LRP6: variants seen among roughly 807,000 people sequenced by gnomAD.
The protein encoded by LRP6 is LDL receptor related protein 6.
Under a neutral mutation model 184.1 loss-of-function variants are expected in LRP6, and 43 were observed. The observed-to-expected ratio is 0.23, with a 90% CI of 0.18 to 0.30. The LOEUF (loss-of-function observed/expected upper bound fraction) is 0.30. LRP6 is among the 10% of genes least tolerant of loss of function. LRP6 has a pLI of 1.00. For synonymous variants in LRP6, 719 were observed against 684.9 expected (o/e 1.05, Z -0.78); for missense variants, 1,571 against 2,005.3 (o/e 0.78, Z 4.14).
intron 2 of LRP6, among the ~76,000 whole-genome samples, chr12:12,229,370 CAAAAAAA>C (rs375650917): frequency 1.6e-5 from 1 of 61,390 alleles, no homozygotes; most frequent in African/African-American, 4.4e-5. Flanking sequence ...AACTCCATTT[CAAAAAAA>C]AAAAAAAAAA....
intron 7 of LRP6, among the ~76,000 whole-genome samples, chr12:12,174,925 T>C (rs1863132424): frequency 1.3e-5 from 2 of 152,330 alleles, no homozygotes; most frequent in South Asian, 2.1e-4. Context: ...GCTATGGACA[T>C]TGTATCCTCT....
At position 12,246,299 on chromosome 12, in the gene LRP6, G is replaced by A. The variant is rs570146674; in HGVS notation, c.56-1644C>T. 1.1e-4 allele frequency among the ~76,000 whole-genome samples: 17 copies of A among 151,934 alleles called. No individual in the cohort carries two copies. The South Asian group carries it at 2.1e-3, about 19-fold the overall frequency. On this transcript the variant is annotated intron_variant, in intron 1 of 22. Transcript: ENST00000261349. ...TGGGATTACAGGCGTGAGCCACTGC[G>A]CCCGGCCCCAATTTTATATAATCTT...
chr12:12,186,979 G>C lies in LRP6; in HGVS notation c.788C>G (p.Ser263Cys), dbSNP rs1400965434. 6.2e-7 allele frequency: 1 copy of C among 1,614,048 alleles called. No individual in the cohort carries two copies. Among genetic ancestry groups the C allele is most frequent in the Non-Finnish European group, 8.5e-7 (1 of 1,180,032 alleles). ...YTGEGLREIHSDIFSPMDIHA... is the reference protein window; with the variant it reads ...YTGEGLREIHCDIFSPMDIHA... ...TATATCCATGGGAGAGAAGATGTCA[G>C]AATGGATTTCACGCAGACCCTCACC... The change falls in exon 4 of 23, where the codon TCT becomes TGT. Residue 263 changes from serine (S) to cysteine (C), a missense_variant. Coordinates refer to ENST00000261349, the MANE Select transcript of LRP6 (RefSeq NM_002336.3).
intron 22 of LRP6, among the ~76,000 whole-genome samples, chr12:12,122,986 C>T (rs1949624548): frequency 6.6e-6 from 1 of 151,762 alleles, no homozygotes; most frequent in African/African-American, 2.4e-5. Flanking sequence ...AGGTGTCAAT[C>T]CTTGGTGAAA....
At chr12:12,146,881 G>A (rs972490165) in intron 15 of LRP6, among the ~76,000 whole-genome samples, 5 of 152,202 alleles carry the variant, frequency 3.3e-5, no homozygotes, top group African/African-American at 4.8e-5. Context: ...CGCCGGGCGC[G>A]GTGGCTTACG....
chr12:12,194,309 T>C (rs377405469), intron 3 of LRP6, among the ~76,000 whole-genome samples: 1 of 151,766 alleles, frequency 6.6e-6, no homozygotes, highest in Non-Finnish European at 1.5e-5. Flanking sequence ...AACAAACATA[T>C]AGCTTAACAA....
intron 12 of LRP6, among the ~76,000 whole-genome samples, chr12:12,156,384 G>T (rs1050347331): frequency 5.3e-5 from 8 of 152,194 alleles, no homozygotes; most frequent in African/African-American, 1.9e-4. Context: ...AAGAAAGCAA[G>T]AGAGACAAGA....
chr12:12,149,880 T>C (rs1315892533), intron 13 of LRP6, among the ~76,000 whole-genome samples: 3 of 152,212 alleles, frequency 2.0e-5, no homozygotes, highest in Non-Finnish European at 2.9e-5. Context: ...TGAAGTAACA[T>C]ATTCCTTAAT....
At chr12:12,152,255 C>A (rs568484162) in intron 12 of LRP6, among the ~76,000 whole-genome samples, 119 of 152,292 alleles carry the variant, frequency 7.8e-4, no homozygotes, top group African/African-American at 2.6e-3. Flanking sequence ...CTGAGGCCTC[C>A]CCAGCCATGT....
At chr12:12,251,076 G>C (rs555220283) in intron 1 of LRP6, among the ~76,000 whole-genome samples, 2 of 151,862 alleles carry the variant, frequency 1.3e-5, no homozygotes, top group African/African-American at 2.4e-5. Flanking sequence ...GATTACAGGC[G>C]CTCGCCACCA....
chr12:12,127,301 T>C (rs897196282), intron 19 of LRP6, among the ~76,000 whole-genome samples: 6 of 152,224 alleles, frequency 3.9e-5, no homozygotes, highest in Admixed American at 3.9e-4. Context: ...AACAACGGTA[T>C]TCCAAGATTT....
intron 2 of LRP6, among the ~76,000 whole-genome samples, chr12:12,243,921 A>T (rs569473908): frequency 1.3e-5 from 2 of 152,164 alleles, no homozygotes; most frequent in South Asian, 4.2e-4. Context: ...CAGCTAACAA[A>T]AAATTTTTTT....
At chr12:12,216,285 C>T (rs1236553589) in intron 2 of LRP6, among the ~76,000 whole-genome samples, 1 of 152,092 alleles carries the variant, frequency 6.6e-6, no homozygotes, top group African/African-American at 2.4e-5. Context: ...GATCTTCCAG[C>T]ACATTTCAAA....
intron 2 of LRP6, among the ~76,000 whole-genome samples, chr12:12,207,276 T>C (rs1237260498): frequency 6.6e-6 from 1 of 152,160 alleles, no homozygotes; most frequent in African/African-American, 2.4e-5. Context: ...CCCGGCACTT[T>C]GGGAGGCCAA....
At chr12:12,206,126 T>C (rs562894378) in intron 2 of LRP6, among the ~76,000 whole-genome samples, 1 of 152,314 alleles carries the variant, frequency 6.6e-6, no homozygotes, top group Admixed American at 6.5e-5. Flanking sequence ...GGCTGTACCA[T>C]CTAGGTTTGT....
rs1456077382 is a variant in LRP6, at chr12:12,134,247, T to C, written c.3733+928A>G. 2.6e-5 allele frequency among the ~76,000 whole-genome samples: 4 copies of C among 152,322 alleles called. No homozygotes were observed. The East Asian group carries it at 7.7e-4, about 29-fold the overall frequency. Reference sequence around the variant, plus strand: ...TTATGTACTTGTCATTTTGGCAACATTTTTACATCAACTTCATGATTATAA... The same window carrying C: ...TTATGTACTTGTCATTTTGGCAACACTTTTACATCAACTTCATGATTATAA... On this transcript the variant is annotated intron_variant, in intron 17 of 22. Coordinates refer to ENST00000261349, the MANE Select transcript of LRP6 (RefSeq NM_002336.3).
chr12:12,121,689 C>T (rs1949609430), intron 22 of LRP6, among the ~76,000 whole-genome samples: 1 of 152,158 alleles, frequency 6.6e-6, no homozygotes, highest in Non-Finnish European at 1.5e-5. Context: ...TGGTTGTGCT[C>T]TTACATCTTC....
intron 3 of LRP6, among the ~76,000 whole-genome samples, chr12:12,198,528 CTCT>C (rs1426675932): frequency 2.7e-4 from 31 of 114,422 alleles, no homozygotes; most frequent in East Asian, 8.4e-4. Context: ...CTGAATTTTT[CTCT>C]TTTTTTTTTT....
chr12:12,125,834 T>A (rs1435218913), intron 20 of LRP6, among the ~76,000 whole-genome samples: 4 of 152,152 alleles, frequency 2.6e-5, no homozygotes, highest in Non-Finnish European at 5.9e-5. Context: ...ACAAACAACA[T>A]ATGAAAGAAT....
Sources: allele counts gnomAD v4.1 joint callset (sites outside exome capture counted in the v4.1 genomes callset), GRCh38; gene constraint gnomAD v4.1.1; transcripts MANE v1.5; gene names NCBI Gene and HGNC (gene_info 2026-07-23, HGNC 2026-07-21).